The following PLA2G10 variants were observed in gnomAD, a reference collection of about 807,000 sequenced individuals.
The protein encoded by PLA2G10 is group 10 secretory phospholipase A2.
A neutral mutation model predicts 7.9 loss-of-function variants in PLA2G10; 9 were observed. The ratio of observed to expected loss-of-function variants is 1.14; its 90% CI spans 0.68 to 1.98. The LOEUF is 1.98. Among genes scored for constraint, PLA2G10 ranks in the 30% most tolerant of loss-of-function variants. The probability of loss-of-function intolerance (pLI) is 0.00; values close to 1 mark genes in which losing one functional copy is unlikely to be tolerated. For synonymous variants in PLA2G10, 19 were observed against 27.5 expected (o/e 0.69, Z 0.97); for missense variants, 53 against 65.4 (o/e 0.81, Z 0.66).
At chr16:14,685,077 T>C (rs1049693544) in intron 3 of PLA2G10, among the ~76,000 whole-genome samples, 1 of 152,096 alleles carries the variant, frequency 6.6e-6, no homozygotes, top group African/African-American at 2.4e-5. Context: ...ATGCTATTAA[T>C]ACAACATGAA....
At chr16:14,674,302 C>T (rs1567501223) in intron 3 of PLA2G10, among the ~76,000 whole-genome samples, 1 of 152,128 alleles carries the variant, frequency 6.6e-6, no homozygotes, top group Admixed American at 6.6e-5. Flanking sequence ...TGAAAATGAC[C>T]ATACTACCCA....
chr16:14,673,710 A>G (rs1960651348), intron 3 of PLA2G10, among the ~76,000 whole-genome samples: 1 of 152,076 alleles, frequency 6.6e-6, no homozygotes, highest in African/African-American at 2.4e-5. Context: ...TCTCCTCAAT[A>G]TACTAGGCAT....
intron 3 of PLA2G10, among the ~76,000 whole-genome samples, chr16:14,677,647 C>G (rs773668394): frequency 1.3e-5 from 2 of 152,114 alleles, no homozygotes; most frequent in African/African-American, 2.4e-5. Context: ...TGAGCCATTG[C>G]GCCCGGAGTT....
intron 3 of PLA2G10, among the ~76,000 whole-genome samples, chr16:14,685,436 G>C (rs1203219418): frequency 6.6e-6 from 1 of 151,520 alleles, no homozygotes; most frequent in Non-Finnish European, 1.5e-5. Context: ...GAAGAAGCCA[G>C]GAACATAGTG....
At chr16:14,685,652 C>T (rs781655059) in intron 3 of PLA2G10, among the ~76,000 whole-genome samples, 3 of 152,074 alleles carry the variant, frequency 2.0e-5, no homozygotes, top group Non-Finnish European at 4.4e-5. Context: ...CTGAATTATA[C>T]ACTTTAACAT....
At position 14,680,753 on chromosome 16, in the gene PLA2G10, A is replaced by G. The variant is rs191704393; in HGVS notation, c.355+7412T>C. On this transcript the variant is annotated intron_variant, in intron 3 of 3. Transcript: ENST00000438167. Reference sequence around the variant, plus strand: ...ACAATAGTTACAAAGCACTTGGCGCACACACTACTTCCCTGTCTCCTCCTT... The same window carrying G: ...ACAATAGTTACAAAGCACTTGGCGCGCACACTACTTCCCTGTCTCCTCCTT... Among the ~76,000 whole-genome samples, 5 of 152,264 alleles carry G rather than the reference A, an allele frequency of 3.3e-5. No individual in the cohort carries two copies. In the East Asian group the frequency reaches 7.7e-4, roughly 23 times the overall value.
chr16:14,676,870 T>C (rs1960738782), intron 3 of PLA2G10, among the ~76,000 whole-genome samples: 1 of 152,108 alleles, frequency 6.6e-6, no homozygotes, highest in South Asian at 2.1e-4. Context: ...AACTTAAGAA[T>C]GGAAAACCAA....
chr16:14,683,159 A>G (rs1432413824), intron 3 of PLA2G10, among the ~76,000 whole-genome samples: 1 of 152,076 alleles, frequency 6.6e-6, no homozygotes, highest in Non-Finnish European at 1.5e-5. Context: ...GGGTTAAGAG[A>G]AGTCAAATTA....
Position 14,672,584 on chromosome 16 carries a change from A to G in PLA2G10, c.*23T>C. The G allele has an allele frequency of 6.2e-7, 1 of 1,612,670 alleles. No individual in the cohort carries two copies. The highest frequency in any genetic ancestry group is 8.5e-7 in the Non-Finnish European group (1 of 1,179,060). On this transcript the variant is annotated 3_prime_UTR_variant, in exon 4 of 4. Transcript: ENST00000438167. ...GAGGACGCTTTATTTCCTTGTGCAAAAGAGCATTTCAAGTCAAGGTAGTCA... is the reference window on the plus strand; with the variant it reads ...GAGGACGCTTTATTTCCTTGTGCAAGAGAGCATTTCAAGTCAAGGTAGTCA...
chr16:14,687,855 T>C (rs1214082083), intron 3 of PLA2G10, among the ~76,000 whole-genome samples: 5 of 151,566 alleles, frequency 3.3e-5, no homozygotes, highest in Admixed American at 6.6e-5. Context: ...AAAAATTAGC[T>C]GGGCGTGATG....
At chr16:14,683,236 G>GTTTT (rs765772776) in intron 3 of PLA2G10, among the ~76,000 whole-genome samples, 1 of 135,074 alleles carries the variant, frequency 7.4e-6, no homozygotes, top group African/African-American at 2.7e-5. Flanking sequence ...TTCTTTTTTT[G>GTTTT]TTTTTTTTTT....
At chr16:14,678,631 A>G (rs1286332085) in intron 3 of PLA2G10, 1 of 309,774 alleles carries the variant, frequency 3.2e-6, no homozygotes, top group Non-Finnish European at 6.5e-6. Flanking sequence ...TTAGCAGGGC[A>G]TGGTGGCACA....
chr16:14,678,893 T>TCCC (rs995763007), intron 3 of PLA2G10: 1 of 244,854 alleles, frequency 4.1e-6, no homozygotes, highest in African/African-American at 2.3e-5. Context: ...TCCGACATCA[T>TCCC]CCCCTACTTC....
chr16:14,687,281 TTG>T (rs1961108327), intron 3 of PLA2G10, among the ~76,000 whole-genome samples: 1 of 151,946 alleles, frequency 6.6e-6, no homozygotes, highest in East Asian at 1.9e-4. Flanking sequence ...AGATTTTTAA[TTG>T]CAGGGTTTTT....
chr16:14,678,726 C>G, intron 3 of PLA2G10: 1 of 397,534 alleles, frequency 2.5e-6, no homozygotes, highest in Non-Finnish European at 5.0e-6. Context: ...GCCGAGATCA[C>G]ACCACTGCAC....
intron 3 of PLA2G10, among the ~76,000 whole-genome samples, chr16:14,683,079 CA>C (rs1309334566): frequency 6.6e-6 from 1 of 151,554 alleles, no homozygotes; most frequent in Non-Finnish European, 1.5e-5. Flanking sequence ...AAAACAAAAA[CA>C]AAATCTGTTT....
chr16:14,683,546 G>A (rs1214746533), intron 3 of PLA2G10, among the ~76,000 whole-genome samples: 2 of 151,998 alleles, frequency 1.3e-5, no homozygotes, highest in East Asian at 3.9e-4. Flanking sequence ...GTGATTTTCA[G>A]CAAAGGTAGC....
chr16:14,684,424 T>C (rs898115783), intron 3 of PLA2G10, among the ~76,000 whole-genome samples: 2 of 151,208 alleles, frequency 1.3e-5, no homozygotes, highest in African/African-American at 2.4e-5. Context: ...CCCAGCACTT[T>C]GGAGGCCAAT....
chr16:14,685,262 C>T (rs1003444783), intron 3 of PLA2G10, among the ~76,000 whole-genome samples: 2 of 151,756 alleles, frequency 1.3e-5, no homozygotes, highest in South Asian at 4.2e-4. Context: ...ATCCCAGCTA[C>T]TCAGGAAGCT....
Sources: allele counts gnomAD v4.1 joint callset (sites outside exome capture counted in the v4.1 genomes callset), GRCh38; gene constraint gnomAD v4.1.1; transcripts MANE v1.5; gene names NCBI Gene and HGNC (gene_info 2026-07-23, HGNC 2026-07-21).